RAB38: variants seen among roughly 807,000 people sequenced by gnomAD.
The protein encoded by RAB38 is RAB38, member RAS oncogene family, also known as ras-related protein Rab-38.
Under a neutral mutation model 18.4 loss-of-function variants are expected in RAB38, and 15 were observed. That is an observed-to-expected ratio of 0.82 (90% CI 0.55 to 1.26). The LOEUF is 1.26. Among genes scored for constraint, RAB38 ranks in the 50% most tolerant of loss-of-function variants. The pLI is 0.00. For missense variants in RAB38, 294 were observed against 267.4 expected (o/e 1.10, Z -0.69); for synonymous variants, 101 against 104.4 (o/e 0.97, Z 0.20).
At chr11:88,053,791 C>CTTTT in the RAB38 span, among the ~76,000 whole-genome samples, 34 of 139,438 alleles carry the variant, frequency 2.4e-4, no homozygotes, top group South Asian at 2.1e-3. Flanking sequence ...AGGACTTAAG[C>CTTTT]TTTTTTTTTT....
At chr11:87,810,908 G>A in the RAB38 span, among the ~76,000 whole-genome samples, 1 of 152,154 alleles carries the variant, frequency 6.6e-6, no homozygotes, top group Non-Finnish European at 1.5e-5. Flanking sequence ...CAGCTGAGGG[G>A]CATAAGGCAG....
At chr11:87,977,990 A>G in the RAB38 span, among the ~76,000 whole-genome samples, 1 of 104,648 alleles carries the variant, frequency 9.6e-6, no homozygotes, top group Admixed American at 1.3e-4. Flanking sequence ...TACATATCTT[A>G]TAAACTATTA....
chr11:87,823,578 T>G, the RAB38 span, among the ~76,000 whole-genome samples: 28 of 152,178 alleles, frequency 1.8e-4, no homozygotes, highest in African/African-American at 6.5e-4. Flanking sequence ...TATGGATCAA[T>G]GGAACAGAAT....
At chr11:87,944,415 G>C in the RAB38 span, among the ~76,000 whole-genome samples, 4 of 152,286 alleles carry the variant, frequency 2.6e-5, no homozygotes, top group Non-Finnish European at 5.9e-5. Flanking sequence ...CACTTGGTCT[G>C]TGGTCATTGT....
the RAB38 span, among the ~76,000 whole-genome samples, chr11:88,035,086 G>A: frequency 6.6e-6 from 1 of 152,062 alleles, no homozygotes; most frequent in Non-Finnish European, 1.5e-5. Context: ...ACAATGTTGA[G>A]GACATTTCTC....
chr11:88,075,681 G>T, the RAB38 span, among the ~76,000 whole-genome samples: 1 of 152,194 alleles, frequency 6.6e-6, no homozygotes, highest in East Asian at 1.9e-4. Context: ...AGGGGTTCAA[G>T]GCTAGCCTGG....
At chr11:88,031,803 C>T in the RAB38 span, among the ~76,000 whole-genome samples, 4 of 152,112 alleles carry the variant, frequency 2.6e-5, no homozygotes, top group African/African-American at 2.4e-5. Context: ...GGCCATACTG[C>T]CCAAGGTAAT....
the RAB38 span, among the ~76,000 whole-genome samples, chr11:88,046,291 A>G: frequency 1.3e-5 from 2 of 152,138 alleles, no homozygotes; most frequent in African/African-American, 4.8e-5. Flanking sequence ...CCTGTCCTAA[A>G]ACCAGACAAG....
At chr11:88,126,369 C>T (rs1029579924) in intron 2 of RAB38, among the ~76,000 whole-genome samples, 2 of 152,100 alleles carry the variant, frequency 1.3e-5, no homozygotes, top group African/African-American at 4.8e-5. Context: ...ACTATGCAGC[C>T]ATAAAAAATG....
the RAB38 span, among the ~76,000 whole-genome samples, chr11:87,942,788 G>A: frequency 1.3e-5 from 2 of 152,120 alleles, no homozygotes; most frequent in Non-Finnish European, 2.9e-5. Context: ...TCACTTAGAG[G>A]AATGTCCACA....
chr11:87,842,816 GCACACA>G, the RAB38 span, among the ~76,000 whole-genome samples: 11,681 of 147,296 alleles, frequency 0.079, 510 homozygotes, highest in Admixed American at 0.11. Flanking sequence ...ACACGCGCGC[GCACACA>G]CACACACACA....
intron 2 of RAB38, among the ~76,000 whole-genome samples, chr11:88,131,556 T>C (rs1344601881): frequency 1.3e-5 from 2 of 152,206 alleles, no homozygotes; most frequent in African/African-American, 4.8e-5. Context: ...AAACTATCAA[T>C]TTCTGAACTT....
rs973699936 is a variant in RAB38, at chr11:88,175,283, G to A, written c.102C>T (p.Phe34=). ...SIIKRYVHQN[F]SSHYRATIGV... is the part of the protein sequence containing the mutation. ...CGATTGTGGCCCGGTAGTGCGAAGA[G>A]AAGTTCTGGTGCACGTAGCGCTTGA... is the stretch of plus-strand genomic sequence containing the variant. Residue 34 remains phenylalanine (F), a synonymous_variant, in exon 1 of 3, where the codon TTC becomes TTT. Transcript: ENST00000243662. The A allele has an allele frequency of 1.2e-6, 2 of 1,614,238 alleles. No homozygotes were observed. Among genetic ancestry groups the A allele is most frequent in the South Asian group, 1.1e-5 (1 of 91,088 alleles).
the RAB38 span, among the ~76,000 whole-genome samples, chr11:87,975,647 A>C: frequency 6.6e-6 from 1 of 151,858 alleles, no homozygotes. Context: ...AATACATGAC[A>C]AAAACATGGA....
the RAB38 span, among the ~76,000 whole-genome samples, chr11:87,977,719 TATTATATGACATATGTTATATATTCTATA>T: frequency 3.1e-5 from 3 of 95,570 alleles, no homozygotes; most frequent in African/African-American, 1.3e-4. Flanking sequence ...TATATTTATA[TATTATATGACATATGTTATATATTCTATA>T]ATATATATAT....
the RAB38 span, among the ~76,000 whole-genome samples, chr11:88,093,483 G>A: frequency 1.2e-5 from 1 of 82,798 alleles, no homozygotes; most frequent in Non-Finnish European, 2.5e-5. Context: ...GAATTGTATA[G>A]TTTGAAAAAA....
the RAB38 span, among the ~76,000 whole-genome samples, chr11:87,814,835 G>A: frequency 6.6e-6 from 1 of 151,528 alleles, no homozygotes; most frequent in Non-Finnish European, 1.5e-5. Context: ...CGGGGTTCAC[G>A]CCATTCTCCT....
At chr11:87,962,122 A>T in the RAB38 span, among the ~76,000 whole-genome samples, 1 of 152,174 alleles carries the variant, frequency 6.6e-6, no homozygotes, top group African/African-American at 2.4e-5. Flanking sequence ...AAATTGATTT[A>T]TCCTCCCTTC....
the RAB38 span, among the ~76,000 whole-genome samples, chr11:88,013,333 A>T: frequency 0.18 from 27,107 of 152,100 alleles, 2,585 homozygotes; most frequent in Middle Eastern, 0.29. Context: ...TTAGTTCATC[A>T]ATTTCTTTTG....
Sources: gnomAD v4.1 joint callset for allele counts (sites outside exome capture counted in the v4.1 genomes callset) on GRCh38, gnomAD v4.1.1 for gene constraint, MANE v1.5 for transcripts, NCBI Gene and HGNC (gene_info 2026-07-23, HGNC 2026-07-21) for gene names.